Variants in CDCA2 observed in about 807,000 individuals in gnomAD.
CDCA2 encodes the protein cell division cycle associated 2.
Under a neutral mutation model 67.0 loss-of-function variants are expected in CDCA2, and 44 were observed. The ratio of observed to expected loss-of-function variants is 0.66; its 90% CI spans 0.52 to 0.84. The LOEUF is 0.84. Ranked by LOEUF, CDCA2 falls within the 40% of genes least tolerant of loss-of-function variation. The pLI is 0.00. For synonymous variants in CDCA2, 447 were observed against 418.7 expected (o/e 1.07, Z -0.82); for missense variants, 1,253 against 1,203.2 (o/e 1.04, Z -0.61).
intron 13 of CDCA2, among the ~76,000 whole-genome samples, chr8:25,494,453 T>C (rs1342400281): frequency 6.6e-6 from 1 of 152,222 alleles, no homozygotes; most frequent in African/African-American, 2.4e-5. Flanking sequence ...AGCATAGTTA[T>C]TATGCTGTAT....
Position 25,464,504 on chromosome 8 carries a change from A to G in CDCA2, c.388-1671A>G, listed in dbSNP as rs115071949. On this transcript the variant is annotated intron_variant, in intron 4 of 14. Transcript: ENST00000330560. ...GGAAGGTTGTTGACTGACCGACACA[A>G]TTCCTAAAACAAAAACATCAAAAAA... 8.7e-3 allele frequency among the ~76,000 whole-genome samples: 1,330 copies of G among 152,366 alleles called. 20 individuals carry two copies. Among genetic ancestry groups the G allele is most frequent in the African/African-American group, 0.03 (1,242 of 41,580 alleles).
rs1272555057 is a variant in CDCA2 at position 25,507,242 on chromosome 8, C to G, written c.2576C>G (p.Ser859Cys). Reference sequence around the variant, plus strand: ...ACACCATCCTCCAGTGTGGGCAGCTCTGTAGAAATTAGTTTAGAAAATTCT... The same window carrying G: ...ACACCATCCTCCAGTGTGGGCAGCTGTGTAGAAATTAGTTTAGAAAATTCT... ...NHTPSSSVGS[S>C]VEISLENSEL... Residue 859 changes from serine to cysteine, a missense_variant, in exon 15 of 15, where the codon TCT becomes TGT. Coordinates refer to ENST00000330560, the MANE Select transcript of CDCA2 (RefSeq NM_152562.4). 2 of 1,614,006 alleles carry G rather than the reference C, an allele frequency of 1.2e-6. No homozygotes were observed. The highest frequency in any genetic ancestry group is 1.1e-5 in the South Asian group (1 of 91,090).
intron 4 of CDCA2, among the ~76,000 whole-genome samples, chr8:25,465,445 A>G (rs1237338913): frequency 6.6e-6 from 1 of 152,160 alleles, no homozygotes; most frequent in Admixed American, 6.5e-5. Flanking sequence ...ATGTAAAGGG[A>G]ACTCTCAATT....
upstream of CDCA2, chr8:25,459,191 G>A (rs1279621711): frequency 6.5e-6 from 1 of 152,712 alleles, no homozygotes; most frequent in Admixed American, 6.5e-5. Context: ...CCGAGGGGCG[G>A]GGTCGGGGAT....
At position 25,492,956 on chromosome 8, in the gene CDCA2, G is replaced by A. The variant is rs1240798591; in HGVS notation, c.1671+4267G>A. On this transcript the variant is annotated intron_variant, in intron 13 of 14. Transcript: ENST00000330560. ...TCATTCCTGCCTCCAGTGCAATGCT[G>A]GGTAAAATTCTGGACTCTGTTTTGT... is the stretch of plus-strand genomic sequence containing the variant. 2.0e-5 allele frequency among the ~76,000 whole-genome samples: 3 copies of A among 152,144 alleles called. No homozygotes were observed. In the East Asian group the frequency reaches 5.8e-4, roughly 29 times the overall value.
intron 7 of CDCA2, chr8:25,472,276 G>T: frequency 6.6e-6 from 1 of 150,466 alleles, no homozygotes; most frequent in South Asian, 2.1e-4. Context: ...TTTTGAGACG[G>T]AGTCTTGCTG....
At chr8:25,465,654 T>G (rs1292330191) in intron 4 of CDCA2, among the ~76,000 whole-genome samples, 1 of 151,988 alleles carries the variant, frequency 6.6e-6, no homozygotes, top group Non-Finnish European at 1.5e-5. Flanking sequence ...ATCAGGAAAA[T>G]TAGCTGGGAA....
chr8:25,492,815 G>C (rs925904145), intron 13 of CDCA2, among the ~76,000 whole-genome samples: 1 of 152,202 alleles, frequency 6.6e-6, no homozygotes, highest in African/African-American at 2.4e-5. Context: ...CTAATGATAG[G>C]AAAATGTAGT....
At chr8:25,486,066 C>T (rs547802319) in intron 11 of CDCA2, among the ~76,000 whole-genome samples, 4 of 152,266 alleles carry the variant, frequency 2.6e-5, no homozygotes, top group East Asian at 1.9e-4. Flanking sequence ...ATGGAATCCC[C>T]ATTTTGTTAG....
intron 8 of CDCA2, among the ~76,000 whole-genome samples, chr8:25,480,635 CAT>C (rs535724068): frequency 6.6e-6 from 1 of 151,920 alleles, no homozygotes; most frequent in African/African-American, 2.4e-5. Context: ...ACAGTTCTGG[CAT>C]ATATATATAA....
In CDCA2 at chr8:25,484,221, A is replaced by G. The variant is rs761757754; in HGVS notation, c.1365+11A>G. 2.5e-6 allele frequency: 4 copies of G among 1,612,528 alleles called. No homozygotes were observed. In the South Asian group the frequency reaches 4.4e-5, roughly 18 times the overall value. On this transcript the variant is annotated intron_variant, in intron 10 of 14. Transcript: ENST00000330560. ...AAGGGGGAGAATCTTGTAAGTATGA[A>G]AAGCGTGGAACAAGCTTGCCATATG...
chr8:25,474,448 C>A (rs544166952), intron 7 of CDCA2, among the ~76,000 whole-genome samples: 62 of 152,160 alleles, frequency 4.1e-4, no homozygotes, highest in Admixed American at 3.3e-3. Flanking sequence ...CTAATTCAGT[C>A]GTCTTCTCAC....
At chr8:25,472,991 C>G (rs1445418593) in intron 7 of CDCA2, among the ~76,000 whole-genome samples, 1 of 152,148 alleles carries the variant, frequency 6.6e-6, no homozygotes, top group East Asian at 1.9e-4. Flanking sequence ...ATTCTTTGAT[C>G]AACAATTCCC....
chr8:25,498,461 C>G (rs971999079), intron 13 of CDCA2, among the ~76,000 whole-genome samples: 9 of 124,576 alleles, frequency 7.2e-5, no homozygotes, highest in South Asian at 3.7e-4. Flanking sequence ...GCACCCCCCC[C>G]CCGCCCCCCA....
At chr8:25,468,564 T>TGC (rs1368919076) in intron 6 of CDCA2, 151 bp downstream of exon 6, 14 of 447,098 alleles carry the variant, frequency 3.1e-5, no homozygotes, top group South Asian at 8.1e-5. Context: ...TGTGCGTGTG[T>TGC]GTGTGTGTGT....
chr8:25,462,458 C>G (rs746495972), intron 4 of CDCA2, among the ~76,000 whole-genome samples: 7 of 125,124 alleles, frequency 5.6e-5, no homozygotes, highest in African/African-American at 1.4e-4. Flanking sequence ...GAAACCCCAT[C>G]TCTACTAAAA....
chr8:25,486,214 C>T (rs537229328), intron 11 of CDCA2, among the ~76,000 whole-genome samples: 92 of 152,286 alleles, frequency 6.0e-4, no homozygotes, highest in African/African-American at 1.9e-3. Context: ...TTCATTGTGG[C>T]GTTTTTAGCA....
intron 13 of CDCA2, among the ~76,000 whole-genome samples, chr8:25,498,451 G>GCACCCCC (rs1804326780): frequency 3.2e-5 from 2 of 62,030 alleles, no homozygotes; most frequent in Non-Finnish European, 7.3e-5. Flanking sequence ...CAGGTAATCT[G>GCACCCCC]CACCCCCCCC....
intron 5 of CDCA2, among the ~76,000 whole-genome samples, chr8:25,467,041 CAAAAAAAAAA>C (rs59618544): frequency 0.013 from 624 of 49,182 alleles, 7 homozygotes; most frequent in Non-Finnish European, 0.017. Context: ...GAGTCCCTTT[CAAAAAAAAAA>C]AAAAAAAAAA....
Sources: allele counts gnomAD v4.1 joint callset (sites outside exome capture counted in the v4.1 genomes callset), GRCh38; gene constraint gnomAD v4.1.1; transcripts MANE v1.5; gene names NCBI Gene and HGNC (gene_info 2026-07-23, HGNC 2026-07-21).